Variants in CCR5AS observed in about 807,000 individuals in gnomAD.
CCR5AS encodes the protein CCR5 antisense RNA.
At chr3:46,401,039 A>G (rs1702001736) in intron 1 of CCR5AS, among the ~76,000 whole-genome samples, 1 of 152,218 alleles carries the variant, frequency 6.6e-6, no homozygotes, top group Non-Finnish European at 1.5e-5. Context: ...TTCAGGTTCC[A>G]GAGACACAGA....
chr3:46,367,953 C>A (rs1459794605), intron 3 of CCR5AS, among the ~76,000 whole-genome samples: 1 of 152,208 alleles, frequency 6.6e-6, no homozygotes, highest in African/African-American at 2.4e-5. Flanking sequence ...GACCAGGAGT[C>A]AACTCAGGCC....
chr3:46,394,405 T>A (rs947674961), intron 1 of CCR5AS, among the ~76,000 whole-genome samples: 7 of 152,094 alleles, frequency 4.6e-5, no homozygotes, highest in Non-Finnish European at 8.8e-5. Context: ...ACATTCAGGA[T>A]TCTTAGCATG....
At chr3:46,379,671 G>C (rs1701799399) in intron 2 of CCR5AS, among the ~76,000 whole-genome samples, 1 of 152,096 alleles carries the variant, frequency 6.6e-6, no homozygotes, top group Non-Finnish European at 1.5e-5. Context: ...GAGGAGGGCA[G>C]ATCACTTAAG....
chr3:46,375,201 C>T (rs1701735935), intron 2 of CCR5AS: 1 of 167,066 alleles, frequency 6.0e-6, no homozygotes, highest in Non-Finnish European at 1.5e-5. Flanking sequence ...TCATAGATTT[C>T]CTTCCCATCC....
chr3:46,375,827 T>C (rs755432048), intron 2 of CCR5AS: 11 of 166,852 alleles, frequency 6.6e-5, no homozygotes, highest in Non-Finnish European at 8.8e-5. Context: ...TTCTGTCTCA[T>C]ATGATTGTGC....
intron 1 of CCR5AS, among the ~76,000 whole-genome samples, chr3:46,403,858 C>G (rs900396675): frequency 2.6e-5 from 4 of 152,180 alleles, no homozygotes; most frequent in African/African-American, 7.2e-5. Context: ...GAGGAGTGGG[C>G]ACTGCAGGGT....
chr3:46,403,519 G>C (rs1475675037), intron 1 of CCR5AS, among the ~76,000 whole-genome samples: 1 of 152,202 alleles, frequency 6.6e-6, no homozygotes, highest in East Asian at 1.9e-4. Flanking sequence ...CAGATGTAGA[G>C]AGCAGCCATA....
intron 2 of CCR5AS, among the ~76,000 whole-genome samples, chr3:46,390,822 G>A (rs1220350129): frequency 6.6e-6 from 1 of 152,182 alleles, no homozygotes; most frequent in South Asian, 2.1e-4. Context: ...GAGTGGGGGA[G>A]TTTTAAGCGG....
At chr3:46,377,544 G>T (rs1483055615) in intron 2 of CCR5AS, among the ~76,000 whole-genome samples, 1 of 152,158 alleles carries the variant, frequency 6.6e-6, no homozygotes, top group Non-Finnish European at 1.5e-5. Context: ...CAACTGTTAT[G>T]ATTAAATTTA....
intron 2 of CCR5AS, among the ~76,000 whole-genome samples, chr3:46,378,636 G>A (rs1701784880): frequency 6.6e-6 from 1 of 152,156 alleles, no homozygotes; most frequent in Non-Finnish European, 1.5e-5. Context: ...TTCACATTCA[G>A]CTCTTTAATG....
chr3:46,385,304 G>C (rs773727439), intron 2 of CCR5AS, among the ~76,000 whole-genome samples: 42 of 152,164 alleles, frequency 2.8e-4, no homozygotes, highest in Non-Finnish European at 5.3e-4. Context: ...GAATAATAAG[G>C]GTGGTCACAG....
chr3:46,404,263 T>C (rs1048923380), intron 1 of CCR5AS, among the ~76,000 whole-genome samples: 1 of 150,668 alleles, frequency 6.6e-6, no homozygotes, highest in South Asian at 2.1e-4. Context: ...ACCCAACCAT[T>C]TGTGGCTTTA....
At chr3:46,390,863 A>G (rs370082567) in intron 2 of CCR5AS, among the ~76,000 whole-genome samples, 1 of 152,314 alleles carries the variant, frequency 6.6e-6, no homozygotes, top group African/African-American at 2.4e-5. Flanking sequence ...TACCCACAAC[A>G]GTTATGGAGG....
chr3:46,379,530 C>T (rs1006164964), intron 2 of CCR5AS, among the ~76,000 whole-genome samples: 4 of 152,080 alleles, frequency 2.6e-5, no homozygotes, highest in Non-Finnish European at 5.9e-5. Context: ...TTAACAAGAG[C>T]GAGGTCAGAT....
At chr3:46,393,471 G>GA (rs1241092845) in intron 1 of CCR5AS, among the ~76,000 whole-genome samples, 1 of 115,072 alleles carries the variant, frequency 8.7e-6, no homozygotes. Flanking sequence ...AAAAAAAAAA[G>GA]AAAAGAAAAG....
intron 2 of CCR5AS, among the ~76,000 whole-genome samples, chr3:46,380,387 A>T (rs1296501548): frequency 6.6e-6 from 1 of 152,248 alleles, no homozygotes. Flanking sequence ...AAAATAATTT[A>T]AAAAATAATT....
At chr3:46,376,859 T>C (rs1219225750) in intron 2 of CCR5AS, among the ~76,000 whole-genome samples, 2 of 152,172 alleles carry the variant, frequency 1.3e-5, no homozygotes, top group Admixed American at 6.5e-5. Context: ...GCACAGGTCA[T>C]GGGCAGCAGA....
intron 3 of CCR5AS, among the ~76,000 whole-genome samples, chr3:46,365,649 C>T (rs949734548): frequency 1.3e-5 from 2 of 152,206 alleles, no homozygotes; most frequent in African/African-American, 4.8e-5. Flanking sequence ...CCCAGAGTGG[C>T]AGGCACACTG....
At chr3:46,399,657 T>C (rs1220640088) in intron 1 of CCR5AS, among the ~76,000 whole-genome samples, 1 of 152,044 alleles carries the variant, frequency 6.6e-6, no homozygotes, top group Non-Finnish European at 1.5e-5. Context: ...GGGGGAGAGA[T>C]TAGCCTTTGG....
Sources: gnomAD v4.1 joint callset for allele counts (sites outside exome capture counted in the v4.1 genomes callset) on GRCh38, gnomAD v4.1.1 for gene constraint, MANE v1.5 for transcripts, NCBI Gene and HGNC (gene_info 2026-07-23, HGNC 2026-07-21) for gene names.